USP32: variants seen among roughly 807,000 people sequenced by gnomAD.
The protein encoded by USP32 is ubiquitin specific peptidase 32, also known as ubiquitin carboxyl-terminal hydrolase 32.
Under a neutral mutation model 204.8 loss-of-function variants are expected in USP32, and 59 were observed. That is an observed-to-expected ratio of 0.29 (90% CI 0.23 to 0.36). The LOEUF (loss-of-function observed/expected upper bound fraction) is 0.36, where lower values mean the gene tolerates loss of function less well. USP32 is among the 10% of genes least tolerant of loss of function. USP32 has a pLI of 1.00. For synonymous variants in USP32, 517 were observed against 678.4 expected (o/e 0.76, Z 3.70); for missense variants, 1,160 against 1,946.4 (o/e 0.60, Z 7.60).
At chr17:60,184,339 C>G (rs920081083) in intron 30 of USP32, among the ~76,000 whole-genome samples, 6 of 151,006 alleles carry the variant, frequency 4.0e-5, no homozygotes, top group African/African-American at 1.5e-4. Context: ...AAAGTCTCCC[C>G]CTCCTCCCCA....
intron 2 of USP32, among the ~76,000 whole-genome samples, chr17:60,331,488 C>T (rs1055410634): frequency 1.2e-4 from 17 of 142,286 alleles, no homozygotes; most frequent in East Asian, 1.1e-3. Context: ...TCACTTGAGC[C>T]TGGGGAGGTC....
chr17:60,407,593 A>C (rs2089986511), intron 1 of USP32, among the ~76,000 whole-genome samples: 1 of 152,034 alleles, frequency 6.6e-6, no homozygotes, highest in Non-Finnish European at 1.5e-5. Context: ...CTTTAAGGGA[A>C]GACTACAAAA....
At chr17:60,374,199 A>G (rs2089498056) in intron 1 of USP32, among the ~76,000 whole-genome samples, 2 of 151,960 alleles carry the variant, frequency 1.3e-5, no homozygotes, top group South Asian at 4.2e-4. Context: ...AAAAAAGAAA[A>G]AAGACATAAA....
chr17:60,286,990 A>C (rs769564746), intron 5 of USP32, among the ~76,000 whole-genome samples: 7 of 152,178 alleles, frequency 4.6e-5, no homozygotes, highest in Non-Finnish European at 1.0e-4. Flanking sequence ...TCTGATAAAA[A>C]TACAAAAAAT....
rs763020175 is a variant in USP32, at chr17:60,183,311, G to A, written c.3977C>T (p.Thr1326Ile). ...DPALCQHKPL[T>I]PQGDELSEPR... ...CTCAGAGAGCTCATCCCCCTGGGGTGTGAGTGGTTTATGCTGGCAGAGAGC... is the reference window on the plus strand; with the variant it reads ...CTCAGAGAGCTCATCCCCCTGGGGTATGAGTGGTTTATGCTGGCAGAGAGC... Residue 1326 changes from threonine (T) to isoleucine (I), a missense_variant, in exon 31 of 34, where the codon ACA becomes ATA. Physicochemically the swap from Thr to Ile is moderately conservative, Grantham distance 89. Coordinates refer to ENST00000300896, the MANE Select transcript of USP32 (RefSeq NM_032582.4). 2.5e-6 allele frequency: 4 copies of A among 1,614,000 alleles called. No individual in the cohort carries two copies. Among genetic ancestry groups the A allele is most frequent in the East Asian group, 2.2e-5 (1 of 44,880 alleles).
At chr17:60,332,831 T>A (rs1244604089) in intron 2 of USP32, among the ~76,000 whole-genome samples, 1 of 152,252 alleles carries the variant, frequency 6.6e-6, no homozygotes, top group African/African-American at 2.4e-5. Context: ...TTATTCAGCA[T>A]AATGCTTCTG....
intron 3 of USP32, among the ~76,000 whole-genome samples, chr17:60,299,058 G>C (rs2087507641): frequency 6.6e-6 from 1 of 152,152 alleles, no homozygotes; most frequent in African/African-American, 2.4e-5. Context: ...CTTGAGCCCA[G>C]GAGTTAAGGG....
Position 60,294,684 on chromosome 17 carries a change from T to C in USP32, c.410A>G (p.Glu137Gly). ...TAAAATGTAAATCTTTAACTATACC[T>C]CTGAGAAACACTTCCTGAGTGTATC... ...VPDTLRKCFS[E>G]GEKVNYEKFR... Residue 137 changes from glutamate (E) to glycine (G), a missense_variant and splice_region_variant, in exon 4 of 34, where the codon GAG becomes GGG. Coordinates refer to ENST00000300896, the MANE Select transcript of USP32 (RefSeq NM_032582.4). 1 of 1,592,436 alleles carries C rather than the reference T, an allele frequency of 6.3e-7. No individual in the cohort carries two copies. The highest frequency in any genetic ancestry group is 2.2e-5 in the East Asian group (1 of 44,636).
chr17:60,197,968 C>A (rs191183861), intron 27 of USP32, among the ~76,000 whole-genome samples: 1 of 152,298 alleles, frequency 6.6e-6, no homozygotes, highest in Non-Finnish European at 1.5e-5. Flanking sequence ...ATACTCTCTA[C>A]TTTTGCAACA....
intron 1 of USP32, among the ~76,000 whole-genome samples, chr17:60,404,810 G>A (rs954166893): frequency 1.3e-5 from 2 of 152,120 alleles, no homozygotes; most frequent in African/African-American, 4.8e-5. Flanking sequence ...TAAATAGAAG[G>A]CTGGTCTTTT....
chr17:60,370,048 A>ATT (rs960434333), intron 1 of USP32, among the ~76,000 whole-genome samples: 1 of 145,844 alleles, frequency 6.9e-6, no homozygotes. Flanking sequence ...CTACAAAATA[A>ATT]TTTTTTTTTT....
In USP32 at chr17:60,414,173, G is replaced by T. The variant is rs1278299948; in HGVS notation, c.106+8073C>A. Among the ~76,000 whole-genome samples, 7 of 151,856 alleles carry T rather than the reference G, an allele frequency of 4.6e-5. No homozygotes were observed. In the East Asian group the frequency reaches 1.4e-3, roughly 30 times the overall value. The stretch of plus-strand genomic sequence containing the variant: ...AGGTCAGGAGTTCGAGACCAGCCTG[G>T]CCAACATGGCAAAACCTCATCTCTA... On this transcript the variant is annotated intron_variant, in intron 1 of 3. Coordinates refer to the USP32 transcript ENST00000588898.
rs1008209688 is a variant in USP32 at position 60,334,925 on chromosome 17, C to T, written c.186+10556G>A. On this transcript the variant is annotated intron_variant, in intron 2 of 33. Transcript: ENST00000300896. ...CCACCTGCCTCGGCCTCCCAAAGTG[C>T]TGGGATTACAGGCGTGAGCCACCGC... 3.5e-5 allele frequency among the ~76,000 whole-genome samples: 5 copies of T among 142,496 alleles called. 1 individual carries two copies. Among genetic ancestry groups the T allele is most frequent in the African/African-American group, 6.0e-5 (2 of 33,084 alleles). 93.5% of individuals were successfully genotyped at this position (142,496 alleles called of 152,430 possible).
intron 1 of USP32, among the ~76,000 whole-genome samples, chr17:60,383,160 C>T (rs1010156305): frequency 8.0e-5 from 12 of 150,856 alleles, no homozygotes; most frequent in Admixed American, 5.3e-4. Context: ...GCAGGAGAAT[C>T]GCCTCAACCC....
intron 1 of USP32, among the ~76,000 whole-genome samples, chr17:60,420,228 A>G (rs1440128153): frequency 2.0e-5 from 3 of 151,958 alleles, no homozygotes; most frequent in Non-Finnish European, 4.4e-5. Context: ...TCCTGATCTC[A>G]GGTGACCCAC....
chr17:60,239,111 G>A (rs2085810320), intron 11 of USP32, among the ~76,000 whole-genome samples: 1 of 152,038 alleles, frequency 6.6e-6, no homozygotes, highest in Non-Finnish European at 1.5e-5. Flanking sequence ...AGAGATCTTG[G>A]TTACAGTTTT....
At chr17:60,268,967 C>G (rs2086664913) in intron 7 of USP32, among the ~76,000 whole-genome samples, 1 of 152,038 alleles carries the variant, frequency 6.6e-6, no homozygotes, top group African/African-American at 2.4e-5. Flanking sequence ...TGTATTTATG[C>G]TTACAAATTA....
chr17:60,223,276 T>C (rs561675526), intron 14 of USP32, 135 bp downstream of exon 14: 2 of 706,784 alleles, frequency 2.8e-6, no homozygotes, highest in South Asian at 3.8e-5. Flanking sequence ...AAATGTACTA[T>C]ACAAAGAGAT....
rs1230224030 is a variant in USP32, at chr17:60,181,174, A to C, written c.4548+150T>G. On this transcript the variant is annotated intron_variant, in intron 32 of 33. Transcript: ENST00000300896. ...CAGGTGTGAGTCACCACACCTGGGC[A>C]GGCCAAGATTTCTGTGTTAACTTTG... 3.8e-6 allele frequency: 4 copies of C among 1,040,100 alleles called. No individual in the cohort carries two copies. The Admixed American group carries it at 1.1e-4, about 29-fold the overall frequency. The allele number at this position is 1,040,100 out of a possible 1,614,324, so 64.4% of individuals were successfully genotyped here. A position where few individuals can be genotyped will look rare whatever the true frequency, so the allele number is the denominator to read the frequency against.
Sources: allele counts gnomAD v4.1 joint callset (sites outside exome capture counted in the v4.1 genomes callset), GRCh38; gene constraint gnomAD v4.1.1; transcripts MANE v1.5; gene names NCBI Gene and HGNC (gene_info 2026-07-23, HGNC 2026-07-21).